FNBP1L: variants seen among roughly 807,000 people sequenced by gnomAD.
FNBP1L encodes the protein formin binding protein 1 like.
FNBP1L carries 36 observed loss-of-function variants against 91.2 expected under a neutral mutation model. The ratio of observed to expected loss-of-function variants is 0.39; its 90% CI spans 0.30 to 0.52. FNBP1L has a LOEUF of 0.52. Among genes scored for constraint, FNBP1L ranks in the 20% least tolerant of loss-of-function variants. FNBP1L has a pLI of 0.66. For synonymous variants in FNBP1L, 242 were observed against 237.0 expected, an observed-to-expected ratio of 1.02 and a Z score of -0.19; for missense variants, 571 against 732.1, an observed-to-expected ratio of 0.78 and a Z score of 2.54.
At chr1:93,483,326 T>C (rs953130087) in intron 1 of FNBP1L, among the ~76,000 whole-genome samples, 16 of 152,246 alleles carry the variant, frequency 1.1e-4, no homozygotes, top group African/African-American at 3.9e-4. Context: ...CCACTAATGG[T>C]GCCTAGTTTA....
intron 11 of FNBP1L, among the ~76,000 whole-genome samples, chr1:93,543,033 AT>A (rs1329610390): frequency 1.3e-5 from 2 of 151,994 alleles, no homozygotes; most frequent in Non-Finnish European, 2.9e-5. Flanking sequence ...ACCTTAGGTG[AT>A]CCACCCGCCT....
chr1:93,505,340 G>A (rs745362676), intron 2 of FNBP1L, among the ~76,000 whole-genome samples: 1 of 152,074 alleles, frequency 6.6e-6, no homozygotes, highest in African/African-American at 2.4e-5. Context: ...CCGAACAAAG[G>A]AGACAGGGTC....
chr1:93,520,201 C>G (rs981659356), intron 2 of FNBP1L, among the ~76,000 whole-genome samples: 1 of 152,050 alleles, frequency 6.6e-6, no homozygotes, highest in African/African-American at 2.4e-5. Flanking sequence ...TATGATGCTC[C>G]TAGTAGTTTG....
intron 1 of FNBP1L, among the ~76,000 whole-genome samples, chr1:93,448,606 T>A (rs1166045211): frequency 6.6e-6 from 1 of 152,034 alleles, no homozygotes; most frequent in Non-Finnish European, 1.5e-5. Flanking sequence ...CTCTTGTTCC[T>A]TCTCCCTCCT....
intron 1 of FNBP1L, among the ~76,000 whole-genome samples, chr1:93,494,966 C>T (rs1474741539): frequency 6.6e-6 from 1 of 152,108 alleles, no homozygotes. Context: ...GAAAAACCTG[C>T]CCCCATGATT....
chr1:93,504,907 C>G (rs1188231464), intron 2 of FNBP1L, among the ~76,000 whole-genome samples: 2 of 151,996 alleles, frequency 1.3e-5, no homozygotes, highest in African/African-American at 4.8e-5. Flanking sequence ...TTGATTGTGT[C>G]CTTCTATGCA....
At chr1:93,461,195 G>C (rs1488624094) in intron 1 of FNBP1L, among the ~76,000 whole-genome samples, 1 of 152,106 alleles carries the variant, frequency 6.6e-6, no homozygotes, top group Non-Finnish European at 1.5e-5. Context: ...TCCTTTTAAA[G>C]GAATTTTGCT....
chr1:93,512,959 C>A (rs1489845388), intron 2 of FNBP1L, among the ~76,000 whole-genome samples: 1 of 151,936 alleles, frequency 6.6e-6, no homozygotes, highest in African/African-American at 2.4e-5. Flanking sequence ...ACAAAAAACC[C>A]TTCAAAAAAT....
At chr1:93,453,616 T>C (rs1668565601) in intron 1 of FNBP1L, among the ~76,000 whole-genome samples, 1 of 152,204 alleles carries the variant, frequency 6.6e-6, no homozygotes, top group African/African-American at 2.4e-5. Context: ...TATTTAATAA[T>C]CTTCAATCTT....
At chr1:93,512,846 C>T (rs1352572347) in intron 2 of FNBP1L, among the ~76,000 whole-genome samples, 2 of 151,958 alleles carry the variant, frequency 1.3e-5, no homozygotes, top group African/African-American at 4.8e-5. Flanking sequence ...GACACTCTAA[C>T]ATCACAATTA....
chr1:93,531,419 C>T (rs1671674566), intron 7 of FNBP1L, among the ~76,000 whole-genome samples: 1 of 152,158 alleles, frequency 6.6e-6, no homozygotes, highest in South Asian at 2.1e-4. Context: ...GTAAAAAAGA[C>T]CTCAGAATTT....
chr1:93,522,188 T>G, intron 3 of FNBP1L, 53 bp downstream of exon 3: 3 of 813,208 alleles, frequency 3.7e-6, no homozygotes, highest in Non-Finnish European at 5.2e-6. Context: ...AAAATACTTA[T>G]ATTTTTATTA....
chr1:93,448,336 AC>A, intron 1 of FNBP1L, 31 bp downstream of exon 1: 1 of 1,483,790 alleles, frequency 6.7e-7, no homozygotes, highest in South Asian at 1.3e-5. Context: ...CCCCGCACGG[AC>A]CCCGGCCCCT....
rs761338911 is a variant in FNBP1L at position 93,530,859 on chromosome 1, T to C, written c.615T>C (p.Tyr205=). The C allele has an allele frequency of 7.1e-6, 11 of 1,545,458 alleles. No individual in the cohort carries two copies. The highest frequency in any genetic ancestry group is 9.6e-6 in the Non-Finnish European group (11 of 1,142,456). The change falls in exon 7 of 17, where the codon TAT becomes TAC. Residue 205 remains tyrosine, a synonymous_variant. Transcript: ENST00000271234. ...ATGGAGAACAACATAAACATTTTTA[T>C]GTAGTGATTCCTCAGATTTACAAGG... ...NFNGEQHKHF[Y]VVIPQIYKQL... is the part of the protein sequence containing the mutation.
At chr1:93,522,175 T>A in intron 3 of FNBP1L, 40 bp downstream of exon 3, 2 of 989,490 alleles carry the variant, frequency 2.0e-6, no homozygotes, top group Non-Finnish European at 2.7e-6. Context: ...ATTAAAAAAT[T>A]TAAAAATACT....
At chr1:93,459,924 A>G (rs979032710) in intron 1 of FNBP1L, among the ~76,000 whole-genome samples, 3 of 137,752 alleles carry the variant, frequency 2.2e-5, no homozygotes, top group African/African-American at 7.9e-5. Context: ...GAAGACCAGA[A>G]GTGTTTTGGA....
intron 1 of FNBP1L, among the ~76,000 whole-genome samples, chr1:93,448,641 G>A (rs999871631): frequency 6.6e-6 from 1 of 151,996 alleles, no homozygotes; most frequent in Non-Finnish European, 1.5e-5. Context: ...CCCGACGCCT[G>A]GCTTCGCGCC....
Position 93,554,044 on chromosome 1 carries a change from C to T in FNBP1L, c.*1628C>T, listed in dbSNP as rs1672498653. 6.6e-6 allele frequency: 1 copy of T among 152,592 alleles called. No individual in the cohort carries two copies. The highest frequency in any genetic ancestry group is 1.5e-5 in the Non-Finnish European group (1 of 68,036). The allele number at this position is 152,592 out of a possible 1,614,324, so 9.5% of individuals were successfully genotyped here. On this transcript the variant is annotated 3_prime_UTR_variant, in exon 17 of 17. Transcript: ENST00000271234. ...AATGACAATTGTGTGAAAGTTACTGCCTTCATAAGATCAAGTCACCACTGT... is the reference window on the plus strand; with the variant it reads ...AATGACAATTGTGTGAAAGTTACTGTCTTCATAAGATCAAGTCACCACTGT...
rs574531913 is a variant in FNBP1L at position 93,511,694 on chromosome 1, C to T, written c.141-10388C>T. ...TAAAGAGTCAAGACCCGGCCGGGTG[C>T]GGTGGCTCACGCCTGTAATCCCAGC... is the stretch of plus-strand genomic sequence containing the variant. On this transcript the variant is annotated intron_variant, in intron 2 of 16. Coordinates refer to ENST00000271234, the MANE Select transcript of FNBP1L (RefSeq NM_001164473.3). Among the ~76,000 whole-genome samples, 44 of 152,284 alleles carry T rather than the reference C, an allele frequency of 2.9e-4. No individual in the cohort carries two copies. In the South Asian group the frequency reaches 4.8e-3, roughly 17 times the overall value.
Sources: allele counts gnomAD v4.1 joint callset (sites outside exome capture counted in the v4.1 genomes callset), GRCh38; gene constraint gnomAD v4.1.1; transcripts MANE v1.5; gene names NCBI Gene and HGNC (gene_info 2026-07-23, HGNC 2026-07-21).